GADL1: variants seen among roughly 807,000 people sequenced by gnomAD.
GADL1 encodes the protein acidic amino acid decarboxylase GADL1.
In GADL1, 71 loss-of-function variants were observed where a neutral mutation model predicts 69.5. The ratio of observed to expected loss-of-function variants is 1.02; its 90% confidence interval spans 0.84 to 1.25. The LOEUF (loss-of-function observed/expected upper bound fraction) is 1.25, where lower values mean the gene tolerates loss of function less well. Among genes scored for constraint, GADL1 ranks in the 50% most tolerant of loss-of-function variants. The pLI, the probability that GADL1 is intolerant of heterozygous loss-of-function variation, is 0.00. For synonymous variants in GADL1, 254 were observed against 214.4 expected (o/e 1.18, Z -1.62); for missense variants, 737 against 631.8 (o/e 1.17, Z -1.79).
At chr3:30,775,032 T>TGA (rs1696502551) in intron 14 of GADL1, among the ~76,000 whole-genome samples, 3 of 151,850 alleles carry the variant, frequency 2.0e-5, no homozygotes, top group Non-Finnish European at 2.9e-5. Flanking sequence ...TGAGTGAGAG[T>TGA]CAGAGGAGGA....
chr3:30,845,815 CAG>C (rs1432257501), intron 6 of GADL1, among the ~76,000 whole-genome samples: 2 of 152,056 alleles, frequency 1.3e-5, no homozygotes, highest in African/African-American at 4.8e-5. Flanking sequence ...TATTTCTCAC[CAG>C]AGAGTTGAGC....
chr3:30,740,559 C>T (rs957412007), intron 14 of GADL1, among the ~76,000 whole-genome samples: 31 of 152,082 alleles, frequency 2.0e-4, no homozygotes, highest in Admixed American at 1.6e-3. Context: ...CCTCTACGTA[C>T]GTCCTAAAGC....
At position 30,868,002 on chromosome 3, in the gene GADL1, C is replaced by CTT. The variant is rs1698428617; in HGVS notation, c.38-6239_38-6238dup. On this transcript the variant is annotated intron_variant, in intron 1 of 14. Transcript: ENST00000282538. ...AACATATGCACTAATAAATAATATA[C>CTT]TTTTAAAACCTCATCACTTCTGAAG... Among the ~76,000 whole-genome samples, 3 of 152,100 alleles carry CTT rather than the reference C, an allele frequency of 2.0e-5. No individual in the cohort carries two copies. In the South Asian group the frequency reaches 6.2e-4, roughly 32 times the overall value.
At position 30,732,391 on chromosome 3, in the gene GADL1, C is replaced by A. The variant is rs140602406; in HGVS notation, c.1393-3976G>T. On this transcript the variant is annotated intron_variant, in intron 14 of 14. Coordinates refer to ENST00000282538, the MANE Select transcript of GADL1 (RefSeq NM_207359.3). Reference sequence around the variant, plus strand: ...TTGTGCCTCAGTGCACTGGTCCCTGCATCTTAAGTGGAGGAAGATTCTGAC... The same window carrying A: ...TTGTGCCTCAGTGCACTGGTCCCTGAATCTTAAGTGGAGGAAGATTCTGAC... 8.9e-4 allele frequency among the ~76,000 whole-genome samples: 135 copies of A among 152,248 alleles called. No individual in the cohort carries two copies. In the Middle Eastern group the frequency reaches 0.014, roughly 15 times the overall value.
rs60227313 is a variant in GADL1 at position 30,889,084 on chromosome 3, T to TAAAAAAAAAAAAAAAA, written c.37+5478_37+5493dup. Reference sequence around the variant, plus strand: ...GAAATACCGAAGACTCGGTAATCTATAAAAAAAAAAAAAAAAAAAAAAAAA... The same window carrying TAAAAAAAAAAAAAAAA: ...GAAATACCGAAGACTCGGTAATCTATAAAAAAAAAAAAAAAAAAAAAAAAAAAAAAAAAAAAAAAAA... On this transcript the variant is annotated intron_variant, in intron 1 of 14. Transcript: ENST00000282538. 1.5e-4 allele frequency among the ~76,000 whole-genome samples: 5 copies of TAAAAAAAAAAAAAAAA among 32,914 alleles called. 1 individual carries two copies. The highest frequency in any genetic ancestry group is 3.0e-3 in the South Asian group (2 of 660). The allele number at this position is 32,914 out of a possible 152,430, so 21.6% of individuals were successfully genotyped here. A position where few individuals can be genotyped will look rare whatever the true frequency, so the allele number is the denominator to read the frequency against.
In GADL1 at chr3:30,743,997, T is replaced by C. The variant is rs561156912; in HGVS notation, c.1393-15582A>G. On this transcript the variant is annotated intron_variant, in intron 14 of 14. Coordinates refer to ENST00000282538, the MANE Select transcript of GADL1 (RefSeq NM_207359.3). ...CCATGGAGCAGAGCAGAGCTGTGAC[T>C]GACCCCCAGGGCATGAAGCATGATC... is the stretch of plus-strand genomic sequence containing the variant. 2.2e-4 allele frequency among the ~76,000 whole-genome samples: 33 copies of C among 152,304 alleles called. No homozygotes were observed. The South Asian group carries it at 6.8e-3, about 32-fold the overall frequency.
chr3:30,807,746 C>CGGCCGG (rs1455919022), intron 11 of GADL1, among the ~76,000 whole-genome samples: 30 of 152,196 alleles, frequency 2.0e-4, no homozygotes, highest in African/African-American at 7.0e-4. Context: ...AGTGAATGTG[C>CGGCCGG]GGCCGGGTGC....
chr3:30,799,248 C>T (rs1323699316), intron 12 of GADL1: 1 of 152,262 alleles, frequency 6.6e-6, no homozygotes, highest in Non-Finnish European at 1.5e-5. Flanking sequence ...ATCTGGGCAT[C>T]CAGGGGTTTC....
At chr3:30,741,314 C>T (rs1368767049) in intron 14 of GADL1, among the ~76,000 whole-genome samples, 1 of 150,794 alleles carries the variant, frequency 6.6e-6, no homozygotes, top group African/African-American at 2.4e-5. Flanking sequence ...GACACTTAAA[C>T]TTTTAATCCA....
intron 12 of GADL1, among the ~76,000 whole-genome samples, chr3:30,796,372 C>A (rs1697032910): frequency 6.6e-6 from 1 of 152,096 alleles, no homozygotes; most frequent in African/African-American, 2.4e-5. Flanking sequence ...AACCCTATCT[C>A]TAACAAAGGT....
chr3:30,761,394 A>AGCC (rs1696127490), intron 14 of GADL1, among the ~76,000 whole-genome samples: 1 of 152,188 alleles, frequency 6.6e-6, no homozygotes, highest in African/African-American at 2.4e-5. Flanking sequence ...CAAAACAAGT[A>AGCC]GCCAAGTCTT....
intron 9 of GADL1, among the ~76,000 whole-genome samples, chr3:30,838,261 AAAG>A (rs1330755988): frequency 1.3e-5 from 2 of 152,172 alleles, no homozygotes; most frequent in African/African-American, 4.8e-5. Flanking sequence ...TAATTTTAAA[AAAG>A]AAAATTAAAA....
At chr3:30,790,256 T>C (rs1696887586) in intron 12 of GADL1, among the ~76,000 whole-genome samples, 2 of 152,134 alleles carry the variant, frequency 1.3e-5, no homozygotes, top group Non-Finnish European at 2.9e-5. Flanking sequence ...TGGACAGCAG[T>C]CAGAACACAC....
intron 1 of GADL1, among the ~76,000 whole-genome samples, chr3:30,871,730 A>G (rs1450145557): frequency 6.6e-6 from 1 of 151,730 alleles, no homozygotes; most frequent in African/African-American, 2.4e-5. Context: ...ATTCTACTGA[A>G]ACACCAAGGC....
rs1696681089 is a variant in GADL1, at chr3:30,782,234, G to GCC, written c.1303-3967_1303-3966insGG. 2.6e-5 allele frequency among the ~76,000 whole-genome samples: 4 copies of GCC among 152,254 alleles called. No homozygotes were observed. In the South Asian group the frequency reaches 8.3e-4, roughly 32 times the overall value. ...ACTATAGGAAATAGATCTCATCTTT[G>GCC]AAAAGCTGCTCTAGCAGCAGTGTGG... On this transcript the variant is annotated intron_variant, in intron 13 of 14. Transcript: ENST00000282538.
Position 30,832,794 on chromosome 3 carries a change from A to G in GADL1, c.1050+1059T>C, listed in dbSNP as rs1454421468. Among the ~76,000 whole-genome samples the G allele has an allele frequency of 4.6e-5, 7 of 152,186 alleles. No homozygotes were observed. In the East Asian group the frequency reaches 1.2e-3, roughly 25 times the overall value. ...ACCACAATTTTGAAACTTAAATTTA[A>G]AAATTAAATGGTATTGAATACATTC... On this transcript the variant is annotated intron_variant, in intron 11 of 14. Transcript: ENST00000282538.
At chr3:30,825,091 G>A (rs1356987907) in intron 11 of GADL1, among the ~76,000 whole-genome samples, 2 of 151,874 alleles carry the variant, frequency 1.3e-5, no homozygotes, top group African/African-American at 2.4e-5. Flanking sequence ...CTAAAGGTAT[G>A]TTTGCTGTGC....
intron 14 of GADL1, among the ~76,000 whole-genome samples, chr3:30,762,993 C>T (rs1404291633): frequency 3.3e-5 from 5 of 152,068 alleles, no homozygotes; most frequent in African/African-American, 1.2e-4. Context: ...TTAGGTTGCT[C>T]CCAAATCTTA....
chr3:30,865,949 G>T (rs1335993700), intron 1 of GADL1, among the ~76,000 whole-genome samples: 1 of 151,642 alleles, frequency 6.6e-6, no homozygotes, highest in African/African-American at 2.4e-5. Flanking sequence ...TTCTGTATAG[G>T]ATCAACTTTT....
Sources: allele counts gnomAD v4.1 joint callset (sites outside exome capture counted in the v4.1 genomes callset), GRCh38; gene constraint gnomAD v4.1.1; transcripts MANE v1.5; gene names NCBI Gene and HGNC (gene_info 2026-07-23, HGNC 2026-07-21).